Variants in PIGS observed in about 807,000 individuals in gnomAD.
PIGS encodes the protein phosphatidylinositol glycan anchor biosynthesis class S.
A neutral mutation model predicts 58.2 loss-of-function variants in PIGS; 37 were observed. The observed-to-expected ratio is 0.64, with a 90% CI of 0.49 to 0.84. The LOEUF is 0.84. Ranked by LOEUF, PIGS falls within the 40% of genes least tolerant of loss-of-function variation. The probability of loss-of-function intolerance (pLI) is 0.00; values close to 1 mark genes in which losing one functional copy is unlikely to be tolerated. For synonymous variants in PIGS, 269 were observed against 289.2 expected, an observed-to-expected ratio of 0.93 and a Z score of 0.71; for missense variants, 629 against 710.8, an observed-to-expected ratio of 0.88 and a Z score of 1.31.
Position 28,554,143 on chromosome 17 carries a change from C to T in PIGS, c.*77G>A. 2 of 1,542,828 alleles carry T rather than the reference C, an allele frequency of 1.3e-6. No homozygotes were observed. Among genetic ancestry groups the T allele is most frequent in the Non-Finnish European group, 1.8e-6 (2 of 1,135,196 alleles). On this transcript the variant is annotated 3_prime_UTR_variant, in exon 12 of 12. Transcript: ENST00000308360. ...AAATATTTAAGTCATTCCGGCAGGCCCCATGTACGTGCCTCACAATCTAAC... is the reference window on the plus strand; with the variant it reads ...AAATATTTAAGTCATTCCGGCAGGCTCCATGTACGTGCCTCACAATCTAAC...
At chr17:28,565,085 A>G (rs1463406817) in intron 3 of PIGS, among the ~76,000 whole-genome samples, 3 of 152,236 alleles carry the variant, frequency 2.0e-5, no homozygotes, top group African/African-American at 4.8e-5. Context: ...TAAAATGGCC[A>G]CTTTGAAGTA....
chr17:28,556,137 G>A, intron 10 of PIGS, 29 bp downstream of exon 10: 1 of 1,572,378 alleles, frequency 6.4e-7, no homozygotes, highest in South Asian at 1.1e-5. Context: ...AGGAGACTAT[G>A]TCCCCAAGTG....
intron 8 of PIGS, 60 bp from the exon 9 acceptor site, chr17:28,557,032 G>C (rs1401812261): frequency 9.4e-6 from 15 of 1,597,980 alleles, no homozygotes; most frequent in Non-Finnish European, 1.3e-5. Flanking sequence ...TTAGTCCCAG[G>C]TCGGCCTCTA....
Position 28,554,860 on chromosome 17 carries a change from C to G in PIGS, c.1383G>C (p.Val461=). The part of the protein sequence containing the change: ...KISNIVIKDD[V]ASEVYKAVAA... ...TCCCCTGCCTGCTTACCTCAGATGC[C>G]ACGTCGTCCTTAATGACAATGTTGC... The change falls in exon 11 of 12, where the codon GTG becomes GTC. Residue 461 remains valine, a synonymous_variant. Coordinates refer to ENST00000308360, the MANE Select transcript of PIGS (RefSeq NM_033198.4). The G allele has an allele frequency of 1.2e-6, 2 of 1,614,168 alleles. No homozygotes were observed. The highest frequency in any genetic ancestry group is 4.5e-5 in the East Asian group (2 of 44,876).
chr17:28,561,612 A>C lies in PIGS; in HGVS notation c.486T>G (p.Ile162Met), dbSNP rs1433752800. The part of the protein sequence containing the change: ...SLLPQDMMSY[I>M]GPKRTAVVRG... The stretch of plus-strand genomic sequence containing the variant: ...GCACCACTGCTGTCCTCTTGGGCCC[A>C]ATGTAGCTCATCATGTCCTGTGGGG... The change falls in exon 6 of 12, where the codon ATT (isoleucine) becomes ATG (methionine). Residue 162 changes from isoleucine (I) to methionine (M), a missense_variant. Ile to Met is a conservative substitution (Grantham distance 10). Transcript: ENST00000308360. 8 of 1,612,658 alleles carry C rather than the reference A, an allele frequency of 5.0e-6. No homozygotes were observed. The East Asian group carries it at 1.8e-4, about 36-fold the overall frequency.
At chr17:28,564,058 G>T in intron 3 of PIGS, 151 bp from the exon 4 acceptor site, 1 of 652,634 alleles carries the variant, frequency 1.5e-6, no homozygotes, top group African/African-American at 1.8e-5. Context: ...AATGATTTCT[G>T]CATAGATGAT....
chr17:28,563,580 C>G (rs2070377890), intron 4 of PIGS, 58 bp from the exon 5 acceptor site: 1 of 1,518,200 alleles, frequency 6.6e-7, no homozygotes, highest in South Asian at 1.1e-5. Flanking sequence ...CTCCCCCCAG[C>G]CCCAAAGAAT....
At chr17:28,564,946 A>C (rs573565379) in intron 3 of PIGS, among the ~76,000 whole-genome samples, 1 of 152,336 alleles carries the variant, frequency 6.6e-6, no homozygotes, top group African/African-American at 2.4e-5. Flanking sequence ...TAAAGTTAGT[A>C]ATAAAACAAG....
At chr17:28,558,649 A>G (rs2070345114) in intron 7 of PIGS, 59 bp from the exon 8 acceptor site, 1 of 1,400,150 alleles carries the variant, frequency 7.1e-7, no homozygotes, top group East Asian at 2.4e-5. Context: ...TTTCTCCCAA[A>G]AAAGATTTGA....
chr17:28,558,561 A>C lies in PIGS; in HGVS notation c.849T>G (p.Asn283Lys). The C allele has an allele frequency of 6.2e-7, 1 of 1,612,620 alleles. No individual in the cohort carries two copies. The highest frequency in any genetic ancestry group is 8.5e-7 in the Non-Finnish European group (1 of 1,179,482). ...TGGAGGAAGCTGAGTCAAAGCGGGG[A>C]TTCACCCCCAACATTGCATAGTAAA... ...QILYYAMLGV[N>K]PRFDSASSSY... The change falls in exon 8 of 12, where the codon AAT becomes AAG. Residue 283 changes from asparagine (N) to lysine (K), a missense_variant. Asn to Lys is a moderately conservative substitution (Grantham distance 94, BLOSUM62 0). Coordinates refer to ENST00000308360, the MANE Select transcript of PIGS (RefSeq NM_033198.4).
chr17:28,563,869 G>T lies in PIGS; in HGVS notation c.325C>A (p.Arg109=). Residue 109 remains arginine (R), a synonymous_variant, in exon 4 of 12, where the codon CGG becomes AGG. Transcript: ENST00000308360. ...TCCTCCTCATGGTCCAAAGCCCTCCGATAGGCCTTCTGGAAACGGCATTTG... is the reference window on the plus strand; with the variant it reads ...TCCTCCTCATGGTCCAAAGCCCTCCTATAGGCCTTCTGGAAACGGCATTTG... ...KIKCRFQKAY[R]RALDHEEEAL... 6.2e-7 allele frequency: 1 copy of T among 1,614,138 alleles called. No individual in the cohort carries two copies. Among genetic ancestry groups the T allele is most frequent in the East Asian group, 2.2e-5 (1 of 44,886 alleles).
At chr17:28,555,163 C>G in intron 10 of PIGS, 102 bp from the exon 11 acceptor site, 1 of 1,192,212 alleles carries the variant, frequency 8.4e-7, no homozygotes, top group Non-Finnish European at 1.2e-6. Context: ...GATTTTCAAT[C>G]TTACCCAGAA....
In PIGS at chr17:28,555,136, A is replaced by G. The variant is rs182079478; in HGVS notation, c.1182-75T>C. ...AGATCATGGCTAAGATTTCTCAAAT[A>G]TCTGTCCTGAGCCAGTGATTTTCAA... is the stretch of plus-strand genomic sequence containing the variant. On this transcript the variant is annotated intron_variant, in intron 10 of 11. Coordinates refer to ENST00000308360, the MANE Select transcript of PIGS (RefSeq NM_033198.4). 3.2e-3 allele frequency: 4,363 copies of G among 1,344,214 alleles called. 18 individuals are homozygous for G. The highest frequency in any genetic ancestry group is 0.012 in the Middle Eastern group (66 of 5,446). The allele number at this position is 1,344,214 out of a possible 1,614,324, so 83.3% of individuals were successfully genotyped here.
chr17:28,564,906 C>T (rs1463175795), intron 3 of PIGS, among the ~76,000 whole-genome samples: 1 of 152,052 alleles, frequency 6.6e-6, no homozygotes. Context: ...AAACCACACA[C>T]TTAATGACAA....
chr17:28,557,047 G>A (rs2070335003), intron 8 of PIGS, 75 bp from the exon 9 acceptor site: 1 of 1,527,868 alleles, frequency 6.5e-7, no homozygotes, highest in African/African-American at 1.4e-5. Flanking sequence ...CCTCTAACTT[G>A]CTGGTCACTC....
At position 28,557,035 on chromosome 17, in the gene PIGS, G is replaced by A. The variant is rs185202977; in HGVS notation, c.935-63C>T. ...TGGACCTGGACCTTAGTCCCAGGTC[G>A]GCCTCTAACTTGCTGGTCACTCACT... On this transcript the variant is annotated intron_variant, in intron 8 of 11. Coordinates refer to ENST00000308360, the MANE Select transcript of PIGS (RefSeq NM_033198.4). 1.6e-4 allele frequency: 246 copies of A among 1,582,868 alleles called. 1 individual carries two copies. The highest frequency in any genetic ancestry group is 1.1e-3 in the African/African-American group (81 of 74,062).
chr17:28,571,231 G>C (rs1450662969), intron 1 of PIGS, 43 bp from the exon 2 acceptor site: 2 of 1,600,292 alleles, frequency 1.2e-6, no homozygotes, highest in East Asian at 4.5e-5. Context: ...AAACGGGCTA[G>C]GGTACCGGCC....
In PIGS at chr17:28,561,470, C is replaced by G. The variant is rs1350877198; in HGVS notation, c.628G>C (p.Glu210Gln). ...CTCTTCTCAGCGCTCCACTTGTCCT[C>G]TGGAAGGTGGTCAGCCAGAGCAGCA... ...LAAALADHLP[E>Q]DKWSAEKRRP... Residue 210 changes from glutamate (E) to glutamine (Q), a missense_variant, in exon 6 of 12, where the codon GAG becomes CAG. Physicochemically the swap from Glu to Gln is conservative, Grantham distance 29. Coordinates refer to ENST00000308360, the MANE Select transcript of PIGS (RefSeq NM_033198.4). The G allele has an allele frequency of 6.2e-7, 1 of 1,614,072 alleles. No individual in the cohort carries two copies. Among genetic ancestry groups the G allele is most frequent in the South Asian group, 1.1e-5 (1 of 91,064 alleles).
intron 3 of PIGS, among the ~76,000 whole-genome samples, chr17:28,568,247 C>T (rs557285734): frequency 8.5e-5 from 13 of 152,110 alleles, no homozygotes; most frequent in African/African-American, 2.9e-4. Context: ...GGATTACAGG[C>T]GCCCGCCACC....
Sources: allele counts gnomAD v4.1 joint callset (sites outside exome capture counted in the v4.1 genomes callset), GRCh38; gene constraint gnomAD v4.1.1; transcripts MANE v1.5; gene names NCBI Gene and HGNC (gene_info 2026-07-23, HGNC 2026-07-21).